Variants in UBASH3B observed in about 807,000 individuals in gnomAD.
The protein encoded by UBASH3B is ubiquitin associated and SH3 domain containing B.
UBASH3B carries 37 observed loss-of-function variants against 83.4 expected under a neutral mutation model. That is an observed-to-expected ratio of 0.44 (90% CI 0.34 to 0.58). UBASH3B has a LOEUF of 0.58. Ranked by LOEUF, UBASH3B falls within the 20% of genes least tolerant of loss-of-function variation. The pLI is 0.01. For missense variants in UBASH3B, 657 were observed against 827.2 expected, an observed-to-expected ratio of 0.79 and a Z score of 2.52; for synonymous variants, 304 against 318.3, an observed-to-expected ratio of 0.96 and a Z score of 0.48.
chr11:122,734,361 G>A (rs574649130), intron 1 of UBASH3B, among the ~76,000 whole-genome samples: 1 of 152,322 alleles, frequency 6.6e-6, no homozygotes, highest in African/African-American at 2.4e-5. Flanking sequence ...GACTTGGCCT[G>A]AGCAGACGGG....
chr11:122,738,289 A>G (rs969095871), intron 1 of UBASH3B, among the ~76,000 whole-genome samples: 1 of 152,256 alleles, frequency 6.6e-6, no homozygotes, highest in Non-Finnish European at 1.5e-5. Context: ...ATTCAATGGC[A>G]TGAATAACTA....
rs1358869071 is a variant in UBASH3B, at chr11:122,812,317, T to TA, written c.*2432dup. ...TCACATTAAGTTCCCCTTGCACACT[T>TA]ACCTATTTAAAAAACTAAACTTGCA... On this transcript the variant is annotated 3_prime_UTR_variant, in exon 14 of 14. Coordinates refer to ENST00000284273, the MANE Select transcript of UBASH3B (RefSeq NM_032873.5). The TA allele has an allele frequency of 1.3e-5, 2 of 152,252 alleles. No homozygotes were observed. Among genetic ancestry groups the TA allele is most frequent in the African/African-American group, 4.8e-5 (2 of 41,470 alleles). The allele number at this position is 152,252 out of a possible 1,614,324, so 9.4% of individuals were successfully genotyped here. A position where few individuals can be genotyped will look rare whatever the true frequency, so the allele number is the denominator to read the frequency against.
intron 1 of UBASH3B, among the ~76,000 whole-genome samples, chr11:122,662,889 T>G (rs78861283): frequency 0.045 from 6,788 of 152,224 alleles, 195 homozygotes; most frequent in Non-Finnish European, 0.065. Context: ...TGAGTAGACC[T>G]TCAGGTATTT....
chr11:122,696,346 T>C (rs1009558621), intron 1 of UBASH3B, among the ~76,000 whole-genome samples: 2 of 151,342 alleles, frequency 1.3e-5, no homozygotes, highest in Non-Finnish European at 2.9e-5. Context: ...TTTTTCTTTT[T>C]GTTTTTGAGA....
In UBASH3B at chr11:122,812,266, G is replaced by A. The variant is rs1304913294; in HGVS notation, c.*2380G>A. On this transcript the variant is annotated 3_prime_UTR_variant, in exon 14 of 14. Transcript: ENST00000284273. The stretch of plus-strand genomic sequence containing the variant: ...TCAATTTCATTATTTCAAATTGCTT[G>A]TCAAAATGGCCCAAAAGATCTGAAT... The A allele has an allele frequency of 6.6e-6, 1 of 152,224 alleles. No homozygotes were observed. Among genetic ancestry groups the A allele is most frequent in the Admixed American group, 6.5e-5 (1 of 15,280 alleles). The allele number at this position is 152,224 out of a possible 1,614,324, so 9.4% of individuals were successfully genotyped here. A position where few individuals can be genotyped will look rare whatever the true frequency, so the allele number is the denominator to read the frequency against.
rs11218804 is a variant in UBASH3B, at chr11:122,775,422, C to T, written c.162-797C>T. On this transcript the variant is annotated intron_variant, in intron 1 of 13. Coordinates refer to ENST00000284273, the MANE Select transcript of UBASH3B (RefSeq NM_032873.5). ...ACTGCTCTGGCCATTCCCTTTAATC[C>T]ACTGATACTCATCCTCAAAGATGTC... is the stretch of plus-strand genomic sequence containing the variant. Among the ~76,000 whole-genome samples, 109 of 152,276 alleles carry T rather than the reference C, an allele frequency of 7.2e-4. 1 individual carries two copies. The East Asian group carries it at 0.018, about 25-fold the overall frequency.
chr11:122,779,749 A>C, intron 4 of UBASH3B, 54 bp downstream of exon 4: 1 of 1,602,988 alleles, frequency 6.2e-7, no homozygotes. Flanking sequence ...AAGAGTTGGA[A>C]AGGAAAAAGG....
At chr11:122,808,273 T>C (rs1276519976) in intron 13 of UBASH3B, 97 bp downstream of exon 13, 3 of 972,114 alleles carry the variant, frequency 3.1e-6, no homozygotes, top group Non-Finnish European at 5.0e-6. Context: ...CATGTGTTTA[T>C]GCTGAGCTGG....
intron 1 of UBASH3B, among the ~76,000 whole-genome samples, chr11:122,666,827 T>G (rs574498701): frequency 2.6e-5 from 4 of 152,074 alleles, no homozygotes; most frequent in Admixed American, 1.3e-4. Flanking sequence ...TCCACTGTAA[T>G]GCATCTGGCT....
In UBASH3B at chr11:122,810,067, G is replaced by A. The variant is rs1305935992; in HGVS notation, c.*181G>A. ...AAATGAGAGAAAGACTTGATTCAGA[G>A]GAAAAAAATGTGTTCTCTCTGGACT... On this transcript the variant is annotated 3_prime_UTR_variant, in exon 14 of 14. Transcript: ENST00000284273. 5 of 694,078 alleles carry A rather than the reference G, an allele frequency of 7.2e-6. No individual in the cohort carries two copies. The highest frequency in any genetic ancestry group is 6.8e-6 in the Non-Finnish European group (3 of 443,500). 43.0% of individuals were successfully genotyped at this position (694,078 alleles called of 1,614,324 possible).
At chr11:122,754,977 G>A (rs1330094862) in intron 1 of UBASH3B, among the ~76,000 whole-genome samples, 1 of 152,154 alleles carries the variant, frequency 6.6e-6, no homozygotes, top group African/African-American at 2.4e-5. Flanking sequence ...GGCTCACGTT[G>A]GAGCGGTGGA....
intron 1 of UBASH3B, chr11:122,774,409 G>A: frequency 2.7e-6 from 2 of 733,372 alleles, no homozygotes; most frequent in Non-Finnish European, 3.3e-6. Context: ...AACAGAGGCT[G>A]GCCTTTGCTC....
chr11:122,787,405 T>G (rs909090976), intron 5 of UBASH3B, among the ~76,000 whole-genome samples: 2 of 152,106 alleles, frequency 1.3e-5, no homozygotes, highest in Non-Finnish European at 2.9e-5. Flanking sequence ...AAGTCAGAAT[T>G]AGGGAAACAA....
At chr11:122,675,943 GA>G (rs1863662509) in intron 1 of UBASH3B, among the ~76,000 whole-genome samples, 1 of 152,080 alleles carries the variant, frequency 6.6e-6, no homozygotes, top group Non-Finnish European at 1.5e-5. Flanking sequence ...CAATCCTGAG[GA>G]AAGTAGTAAG....
chr11:122,692,777 CAG>C (rs1331853159), intron 1 of UBASH3B, among the ~76,000 whole-genome samples: 1 of 152,212 alleles, frequency 6.6e-6, no homozygotes, highest in African/African-American at 2.4e-5. Flanking sequence ...GTACTGGCAA[CAG>C]AAATAGAAGA....
At chr11:122,736,859 G>C (rs1357111219) in intron 1 of UBASH3B, among the ~76,000 whole-genome samples, 1 of 152,016 alleles carries the variant, frequency 6.6e-6, no homozygotes, top group Non-Finnish European at 1.5e-5. Flanking sequence ...AGTCCAGCTT[G>C]GGCAACATAG....
At chr11:122,717,973 G>A (rs1162858553) in intron 1 of UBASH3B, among the ~76,000 whole-genome samples, 1 of 150,882 alleles carries the variant, frequency 6.6e-6, no homozygotes, top group Non-Finnish European at 1.5e-5. Flanking sequence ...CCAGACTGGA[G>A]TGCAGTGGCG....
chr11:122,660,726 C>T (rs1863427863), intron 1 of UBASH3B, among the ~76,000 whole-genome samples: 1 of 152,216 alleles, frequency 6.6e-6, no homozygotes, highest in Non-Finnish European at 1.5e-5. Flanking sequence ...GGAATCCTTG[C>T]TGATACAACC....
chr11:122,724,826 G>A (rs1223304584), intron 1 of UBASH3B, among the ~76,000 whole-genome samples: 4 of 152,040 alleles, frequency 2.6e-5, no homozygotes, highest in African/African-American at 7.3e-5. Flanking sequence ...TCCAGTGAGC[G>A]GCATCCTAAG....
Sources: allele counts gnomAD v4.1 joint callset (sites outside exome capture counted in the v4.1 genomes callset), GRCh38; gene constraint gnomAD v4.1.1; transcripts MANE v1.5; gene names NCBI Gene and HGNC (gene_info 2026-07-23, HGNC 2026-07-21).